The following YARS1 variants were observed in gnomAD, a reference collection of about 807,000 sequenced individuals.
YARS1 encodes tyrosine--tRNA ligase, cytoplasmic.
Under a neutral mutation model 62.2 loss-of-function variants are expected in YARS1, and 36 were observed. The ratio of observed to expected loss-of-function variants is 0.58; its 90% CI spans 0.44 to 0.76. The LOEUF is 0.76. Ranked by LOEUF, YARS1 falls within the 30% of genes least tolerant of loss-of-function variation. The pLI, the probability that YARS1 is intolerant of heterozygous loss-of-function variation, is 0.00. For missense variants in YARS1, 524 were observed against 639.8 expected (o/e 0.82, Z 1.95); for synonymous variants, 234 against 244.9 (o/e 0.96, Z 0.42).
chr1:32,782,910 A>G (rs1246898224), intron 8 of YARS1: 4 of 273,678 alleles, frequency 1.5e-5, no homozygotes, highest in Non-Finnish European at 1.4e-5. Flanking sequence ...ACAGCTGAGT[A>G]AGAAGAAAGA....
In YARS1 at chr1:32,780,297, A is replaced by G. The variant is rs1454139632; in HGVS notation, c.1141-19T>C. On this transcript the variant is annotated intron_variant, in intron 10 of 12. Coordinates refer to ENST00000373477, the MANE Select transcript of YARS1 (RefSeq NM_003680.4). ...CTGGGTGCTGCCAGGGAGAGACGTC[A>G]GGAGGAAGAGGATCATCGTCCATTA... The G allele has an allele frequency of 1.6e-5, 26 of 1,613,640 alleles. No homozygotes were observed. Among genetic ancestry groups the G allele is most frequent in the Non-Finnish European group, 2.1e-5 (25 of 1,179,998 alleles).
intron 5 of YARS1, among the ~76,000 whole-genome samples, chr1:32,793,182 G>C (rs967403908): frequency 6.6e-6 from 1 of 152,160 alleles, no homozygotes; most frequent in Admixed American, 6.5e-5. Flanking sequence ...AACAGAATAT[G>C]AGACATGAGT....
chr1:32,783,467 C>A (rs565778401), intron 8 of YARS1: 1 of 152,128 alleles, frequency 6.6e-6, no homozygotes, highest in African/African-American at 2.4e-5. Context: ...CATGCAGCCA[C>A]GCCCAGCTAA....
In YARS1 at chr1:32,817,358, T is replaced by G; in HGVS notation, c.-114A>C. On this transcript the variant is annotated 5_prime_UTR_variant, in exon 1 of 13. Coordinates refer to ENST00000373477, the MANE Select transcript of YARS1 (RefSeq NM_003680.4). The stretch of plus-strand genomic sequence containing the variant: ...GCGAGTCCAGCCAGGTTGCATCAGC[T>G]GGGCTCGGCGCTCCGCTTACTCGGC... The G allele has an allele frequency of 7.2e-7, 1 of 1,379,874 alleles. No homozygotes were observed. Among genetic ancestry groups the G allele is most frequent in the Non-Finnish European group, 1.0e-6 (1 of 984,728 alleles). The allele number at this position is 1,379,874 out of a possible 1,614,324, so 85.5% of individuals were successfully genotyped here.
intron 1 of YARS1, chr1:32,816,710 G>GA (rs1044358660): frequency 2.4e-5 from 4 of 166,598 alleles, no homozygotes; most frequent in South Asian, 2.8e-4. Flanking sequence ...GAGGGGGGGG[G>GA]ATCCATTTCC....
At position 32,803,144 on chromosome 1, in the gene YARS1, G is replaced by A. The variant is rs118041342; in HGVS notation, c.510+3338C>T. 6.8e-4 allele frequency among the ~76,000 whole-genome samples: 104 copies of A among 151,930 alleles called. No homozygotes were observed. The East Asian group carries it at 0.019, about 28-fold the overall frequency. ...ACTACAGTTGCGCACCACCATGCCCGGCTAATTAATATTTTTAGTAGAGAC... is the reference window on the plus strand; with the variant it reads ...ACTACAGTTGCGCACCACCATGCCCAGCTAATTAATATTTTTAGTAGAGAC... On this transcript the variant is annotated intron_variant, in intron 4 of 12. Transcript: ENST00000373477.
At chr1:32,794,523 G>A (rs569261223) in intron 5 of YARS1, among the ~76,000 whole-genome samples, 1 of 152,086 alleles carries the variant, frequency 6.6e-6, no homozygotes, top group South Asian at 2.1e-4. Context: ...TTGAATAGCT[G>A]GGATTATAGG....
Position 32,776,868 on chromosome 1 carries a change from G to A in YARS1, c.1477-777C>T, listed in dbSNP as rs1652878414. On this transcript the variant is annotated intron_variant, in intron 12 of 12. Transcript: ENST00000373477. The surrounding 1 kb of genome is among the most constrained non-coding windows in gnomAD (Gnocchi z 4.0). ...TGTAGTCCCAGCTACTCAGAAGGCTGAGGCAGGAGAATCACTTGAACCTGA... is the reference window on the plus strand; with the variant it reads ...TGTAGTCCCAGCTACTCAGAAGGCTAAGGCAGGAGAATCACTTGAACCTGA... Among the ~76,000 whole-genome samples, 1 of 152,038 alleles carries A rather than the reference G, an allele frequency of 6.6e-6. No individual in the cohort carries two copies. The highest frequency in any genetic ancestry group is 1.5e-5 in the Non-Finnish European group (1 of 68,020).
Position 32,775,910 on chromosome 1 carries a change from G to C in YARS1, c.*71C>G, listed in dbSNP as rs1364704912. On this transcript the variant is annotated 3_prime_UTR_variant, in exon 13 of 13. Coordinates refer to ENST00000373477, the MANE Select transcript of YARS1 (RefSeq NM_003680.4). ...TGTCCTGAGAGATGGGTAAATGGGT[G>C]ATGGATGGAGCAGACTGAAGAGACA... 1.5e-6 allele frequency: 2 copies of C among 1,355,880 alleles called. No individual in the cohort carries two copies. Among genetic ancestry groups the C allele is most frequent in the Non-Finnish European group, 2.1e-6 (2 of 948,140 alleles). 84.0% of individuals were successfully genotyped at this position (1,355,880 alleles called of 1,614,324 possible). A position where few individuals can be genotyped will look rare whatever the true frequency, so the allele number is the denominator to read the frequency against.
At chr1:32,809,345 T>C (rs914073088) in intron 3 of YARS1, among the ~76,000 whole-genome samples, 3 of 152,176 alleles carry the variant, frequency 2.0e-5, no homozygotes, top group Non-Finnish European at 4.4e-5. Context: ...ACCTCAGCCT[T>C]CCAAAGCATT....
In YARS1 at chr1:32,811,064, T is replaced by A. The variant is rs376765281; in HGVS notation, c.58-7A>T. The A allele has an allele frequency of 2.2e-5, 36 of 1,613,988 alleles. No individual in the cohort carries two copies. The African/African-American group carries it at 3.6e-4, about 16-fold the overall frequency. ...TCTCTTCCCCCAGAACCTCCTATTG[T>A]GGAAGCAGAAGAGTTAGTTTAATGT... is the stretch of plus-strand genomic sequence containing the variant. On this transcript the variant is annotated splice_polypyrimidine_tract_variant and splice_region_variant and intron_variant, in intron 1 of 12. Coordinates refer to ENST00000373477, the MANE Select transcript of YARS1 (RefSeq NM_003680.4).
Position 32,791,217 on chromosome 1 carries a change from A to C in YARS1, c.629T>G (p.Leu210Arg). The change falls in exon 6 of 13, where the codon CTG (leucine) becomes CGG (arginine). Residue 210 changes from leucine to arginine, a missense_variant. Transcript: ENST00000373477. ...TAATCCTGGAACCATAGGATTCATC[A>C]GATGGACCCGTTTTGAATAGCCAAG... ...PALGYSKRVH[L>R]MNPMVPGLTG... is the part of the protein sequence containing the mutation. 1.2e-6 allele frequency: 2 copies of C among 1,614,152 alleles called. No homozygotes were observed. Among genetic ancestry groups the C allele is most frequent in the Non-Finnish European group, 1.7e-6 (2 of 1,180,000 alleles).
intron 6 of YARS1, among the ~76,000 whole-genome samples, chr1:32,790,470 C>T (rs1653379449): frequency 7.4e-6 from 1 of 134,452 alleles, no homozygotes; most frequent in African/African-American, 2.8e-5. Context: ...GCTGAGATCG[C>T]ACCACTGCAC....
chr1:32,805,286 GGA>G (rs1182558545), intron 4 of YARS1, among the ~76,000 whole-genome samples: 1 of 145,354 alleles, frequency 6.9e-6, no homozygotes, highest in Non-Finnish European at 1.5e-5. Context: ...AGGGAGAGAG[GGA>G]GAGAGGGAGA....
chr1:32,792,320 T>C (rs1219147012), intron 5 of YARS1, among the ~76,000 whole-genome samples: 2 of 152,164 alleles, frequency 1.3e-5, no homozygotes, highest in Admixed American at 6.5e-5. Flanking sequence ...TAAGCTGAAG[T>C]AGACGTTCTA....
Position 32,797,035 on chromosome 1 carries a change from T to C in YARS1, c.591+728A>G, listed in dbSNP as rs190800723. ...ATATATATATATATATATATATATATATATATATATATATAGTAAGCATTT... is the reference window on the plus strand; with the variant it reads ...ATATATATATATATATATATATATACATATATATATATATAGTAAGCATTT... On this transcript the variant is annotated intron_variant, in intron 5 of 12. Coordinates refer to ENST00000373477, the MANE Select transcript of YARS1 (RefSeq NM_003680.4). Among the ~76,000 whole-genome samples, 125 of 61,256 alleles carry C rather than the reference T, an allele frequency of 2.0e-3. 2 individuals are homozygous for C. The highest frequency in any genetic ancestry group is 8.8e-3 in the African/African-American group (123 of 13,976). 40.2% of individuals were successfully genotyped at this position (61,256 alleles called of 152,430 possible).
At chr1:32,803,128 G>C (rs1182365493) in intron 4 of YARS1, among the ~76,000 whole-genome samples, 1 of 151,680 alleles carries the variant, frequency 6.6e-6, no homozygotes, top group Non-Finnish European at 1.5e-5. Context: ...GACTACAGTT[G>C]CGCACCACCA....
chr1:32,796,875 G>C (rs992454321), intron 5 of YARS1, among the ~76,000 whole-genome samples: 1 of 140,926 alleles, frequency 7.1e-6, no homozygotes, highest in African/African-American at 2.7e-5. Flanking sequence ...TGAGGCAGGA[G>C]AATCGCTTGA....
chr1:32,801,891 AT>A (rs1192476140), intron 4 of YARS1, among the ~76,000 whole-genome samples: 2 of 151,374 alleles, frequency 1.3e-5, no homozygotes, highest in African/African-American at 4.9e-5. Flanking sequence ...GATTGCAGCA[AT>A]TCAGTCACAT....
Sources: allele counts gnomAD v4.1 joint callset (sites outside exome capture counted in the v4.1 genomes callset), GRCh38; gene constraint gnomAD v4.1.1; non-coding constraint Gnocchi (gnomAD v3.1); transcripts MANE v1.5; gene names NCBI Gene and HGNC (gene_info 2026-07-23, HGNC 2026-07-21).